Variants in SEC22A observed in about 807,000 individuals in gnomAD.
SEC22A encodes SEC22 homolog A, vesicle trafficking protein.
In SEC22A, 22 loss-of-function variants were observed where a neutral mutation model predicts 35.3. That is an observed-to-expected ratio of 0.62 (90% CI 0.45 to 0.89). The LOEUF (loss-of-function observed/expected upper bound fraction) is 0.89, where lower values mean the gene tolerates loss of function less well. Ranked by LOEUF, SEC22A falls within the 40% of genes least tolerant of loss-of-function variation. The pLI, the probability that SEC22A is intolerant of heterozygous loss-of-function variation, is 0.00. For synonymous variants in SEC22A, 119 were observed against 129.5 expected, an observed-to-expected ratio of 0.92 and a Z score of 0.55; for missense variants, 354 against 362.5, an observed-to-expected ratio of 0.98 and a Z score of 0.19.
chr3:123,211,454 G>T (rs1328821649), intron 2 of SEC22A, among the ~76,000 whole-genome samples: 1 of 151,906 alleles, frequency 6.6e-6, no homozygotes, highest in African/African-American at 2.4e-5. Flanking sequence ...AGATAATGAA[G>T]CTCCATTTTG....
At chr3:123,217,253 A>G (rs7624149) in intron 2 of SEC22A, among the ~76,000 whole-genome samples, 29,615 of 151,472 alleles carry the variant, frequency 0.2, 2,995 homozygotes, top group Middle Eastern at 0.28. Flanking sequence ...GCTGGAGTGC[A>G]ATGGCACGAT....
At chr3:123,225,337 C>T (rs1226294795) in intron 4 of SEC22A, 40 bp downstream of exon 4, 2 of 1,312,938 alleles carry the variant, frequency 1.5e-6, no homozygotes, top group African/African-American at 3.0e-5. Context: ...TAAAAAAATC[C>T]TTGGGAAAAA....
At chr3:123,250,475 G>T (rs1262583552) in intron 5 of SEC22A, among the ~76,000 whole-genome samples, 3 of 152,146 alleles carry the variant, frequency 2.0e-5, no homozygotes, top group Non-Finnish European at 4.4e-5. Flanking sequence ...CTCACTCTGG[G>T]CTTTGATATT....
intron 2 of SEC22A, among the ~76,000 whole-genome samples, chr3:123,214,296 T>C (rs1936986989): frequency 1.3e-5 from 2 of 152,254 alleles, no homozygotes; most frequent in African/African-American, 4.8e-5. Context: ...TTCAAATGAA[T>C]GTAGTAGCTG....
At chr3:123,265,647 CTA>C (rs1328995033) in intron 6 of SEC22A, among the ~76,000 whole-genome samples, 1 of 152,074 alleles carries the variant, frequency 6.6e-6, no homozygotes, top group East Asian at 1.9e-4. Flanking sequence ...AGTTTCTCTA[CTA>C]TGTTTTTTCT....
intron 4 of SEC22A, among the ~76,000 whole-genome samples, chr3:123,244,538 A>T (rs1937551518): frequency 6.6e-6 from 1 of 152,190 alleles, no homozygotes; most frequent in Non-Finnish European, 1.5e-5. Flanking sequence ...TTACAATATC[A>T]AGGAAATTGA....
At chr3:123,230,678 C>A in intron 4 of SEC22A, among the ~76,000 whole-genome samples, 2 of 106,938 alleles carry the variant, frequency 1.9e-5, no homozygotes, top group Admixed American at 1.1e-4. Context: ...AAATACCGTA[C>A]TACCAAATAT....
Position 123,273,912 on chromosome 3 carries a change from G to A in SEC22A, c.*2190G>A, listed in dbSNP as rs1337893967. The A allele has an allele frequency of 6.6e-6, 1 of 152,212 alleles. No homozygotes were observed. The highest frequency in any genetic ancestry group is 2.4e-5 in the African/African-American group (1 of 41,452). 9.4% of individuals were successfully genotyped at this position (152,212 alleles called of 1,614,324 possible). Reference sequence around the variant, plus strand: ...ATTTTGCTCTGTATTGACACAGCTCGCACCAGTTTGGTTCAGGAGCTACCT... The same window carrying A: ...ATTTTGCTCTGTATTGACACAGCTCACACCAGTTTGGTTCAGGAGCTACCT... On this transcript the variant is annotated 3_prime_UTR_variant, in exon 7 of 7. Transcript: ENST00000492595.
chr3:123,264,721 C>T (rs11714553), intron 6 of SEC22A, among the ~76,000 whole-genome samples: 10,139 of 151,652 alleles, frequency 0.067, 554 homozygotes, highest in Admixed American at 0.18. Flanking sequence ...CTCCACCTCC[C>T]GGGTTTAAGT....
chr3:123,226,877 T>C (rs1937226157), intron 4 of SEC22A, among the ~76,000 whole-genome samples: 1 of 152,236 alleles, frequency 6.6e-6, no homozygotes, highest in African/African-American at 2.4e-5. Flanking sequence ...TCCATTTTGA[T>C]TTGATCTTTG....
chr3:123,248,745 A>G (rs1355679320), intron 5 of SEC22A, among the ~76,000 whole-genome samples: 2 of 152,244 alleles, frequency 1.3e-5, no homozygotes, highest in African/African-American at 2.4e-5. Flanking sequence ...TTCATATGGA[A>G]AAGCAAGGAT....
intron 4 of SEC22A, among the ~76,000 whole-genome samples, chr3:123,232,801 C>T (rs562924755): frequency 6.6e-6 from 1 of 152,178 alleles, no homozygotes; most frequent in South Asian, 2.1e-4. Context: ...ACACAAAAGT[C>T]CTCAGCAAAA....
At chr3:123,266,923 T>C (rs1181893911) in intron 6 of SEC22A, among the ~76,000 whole-genome samples, 1 of 152,188 alleles carries the variant, frequency 6.6e-6, no homozygotes, top group Non-Finnish European at 1.5e-5. Context: ...ATATATTTTG[T>C]AGCTATGTTG....
Position 123,202,010 on chromosome 3 carries a change from C to T in SEC22A, c.-20+24C>T, listed in dbSNP as rs116609235. On this transcript the variant is annotated intron_variant, in intron 1 of 6. Coordinates refer to ENST00000492595, the MANE Select transcript of SEC22A (RefSeq NM_012430.5). ...AGGTACTCCCCGGCCCCTCCCAGTC[C>T]TCTTCTTCCTTTCTTAGGGGTCGTT... 9.2e-3 allele frequency: 1,402 copies of T among 153,074 alleles called. 7 individuals carry two copies. The highest frequency in any genetic ancestry group is 0.014 in the Non-Finnish European group (980 of 68,328). The allele number at this position is 153,074 out of a possible 1,614,324, so 9.5% of individuals were successfully genotyped here.
chr3:123,232,338 A>G (rs1661567349), intron 4 of SEC22A, among the ~76,000 whole-genome samples: 1 of 152,222 alleles, frequency 6.6e-6, no homozygotes, highest in Non-Finnish European at 1.5e-5. Flanking sequence ...CATTAAATTC[A>G]ATAACTTTGA....
chr3:123,272,852 G>C lies in SEC22A; in HGVS notation c.*1130G>C, dbSNP rs987946844. 2 of 153,908 alleles carry C rather than the reference G, an allele frequency of 1.3e-5. No homozygotes were observed. The highest frequency in any genetic ancestry group is 2.4e-5 in the African/African-American group (1 of 41,582). The allele number at this position is 153,908 out of a possible 1,614,324, so 9.5% of individuals were successfully genotyped here. A position where few individuals can be genotyped will look rare whatever the true frequency, so the allele number is the denominator to read the frequency against. ...CGCACTATGGAAATGCTTGACTGTA[G>C]TAAGAATCAGAAGGTGGCTTTCCTA... On this transcript the variant is annotated 3_prime_UTR_variant, in exon 7 of 7. Transcript: ENST00000492595.
Position 123,271,279 on chromosome 3 carries a change from A to G in SEC22A, c.724-243A>G, listed in dbSNP as rs1366723043. Among the ~76,000 whole-genome samples, 6 of 152,358 alleles carry G rather than the reference A, an allele frequency of 3.9e-5. No individual in the cohort carries two copies. In the East Asian group the frequency reaches 1.2e-3, roughly 29 times the overall value. On this transcript the variant is annotated intron_variant, in intron 6 of 6. Transcript: ENST00000492595. ...ATTCCATTGTACTTCCATTTAAAAT[A>G]TGATACAAAATGCTTTTCTTCTGAA... is the stretch of plus-strand genomic sequence containing the variant.
chr3:123,271,769 G>C lies in SEC22A; in HGVS notation c.*47G>C. On this transcript the variant is annotated 3_prime_UTR_variant, in exon 7 of 7. Coordinates refer to ENST00000492595, the MANE Select transcript of SEC22A (RefSeq NM_012430.5). ...CCTTGGCTTCAGGGGGATAAGGAGG[G>C]AACATATCATAACTGCACTGTGATG... 1 of 1,486,048 alleles carries C rather than the reference G, an allele frequency of 6.7e-7. No homozygotes were observed. Among genetic ancestry groups the C allele is most frequent in the Non-Finnish European group, 9.4e-7 (1 of 1,067,612 alleles). 92.1% of individuals were successfully genotyped at this position (1,486,048 alleles called of 1,614,324 possible).
chr3:123,211,189 G>A (rs1936935153), intron 2 of SEC22A, among the ~76,000 whole-genome samples: 1 of 152,130 alleles, frequency 6.6e-6, no homozygotes, highest in African/African-American at 2.4e-5. Context: ...CCTGAAGTAA[G>A]AAAATAAACG....
Sources: allele counts gnomAD v4.1 joint callset (sites outside exome capture counted in the v4.1 genomes callset), GRCh38; gene constraint gnomAD v4.1.1; transcripts MANE v1.5; gene names NCBI Gene and HGNC (gene_info 2026-07-23, HGNC 2026-07-21).